ATP2C1: variants seen among roughly 807,000 people sequenced by gnomAD.
The protein encoded by ATP2C1 is ATPase secretory pathway Ca2+ transporting 1, also known as calcium-transporting ATPase type 2C member 1.
A neutral mutation model predicts 120.5 loss-of-function variants in ATP2C1; 31 were observed. The observed-to-expected ratio is 0.26, with a 90% confidence interval of 0.19 to 0.35. The LOEUF is 0.35. Among genes scored for constraint, ATP2C1 ranks in the 10% least tolerant of loss-of-function variants. The pLI is 1.00. For missense variants in ATP2C1, 731 were observed against 1,107.5 expected (o/e 0.66, Z 4.83); for synonymous variants, 351 against 358.7 (o/e 0.98, Z 0.24).
In ATP2C1 at chr3:130,993,921, C is replaced by A. The variant is rs1308079745; in HGVS notation, c.1891-11C>A. The stretch of plus-strand genomic sequence containing the variant: ...ATTCCTTCCTCTCCCCTGTCCTCTG[C>A]TCCACTCTAGTCGCTACAGAAGAAC... On this transcript the variant is annotated splice_polypyrimidine_tract_variant and intron_variant, in intron 21 of 27. Coordinates refer to ENST00000510168, the MANE Select transcript of ATP2C1 (RefSeq NM_001378687.1). 1 of 1,614,066 alleles carries A rather than the reference C, an allele frequency of 6.2e-7. No individual in the cohort carries two copies. The highest frequency in any genetic ancestry group is 1.7e-5 in the Admixed American group (1 of 60,026).
At chr3:130,953,147 T>C (rs1037226502) in intron 8 of ATP2C1, among the ~76,000 whole-genome samples, 4 of 152,070 alleles carry the variant, frequency 2.6e-5, no homozygotes, top group African/African-American at 4.8e-5. Flanking sequence ...GTATCTATAC[T>C]CATAAAATTG....
In ATP2C1 at chr3:130,953,154, ATTG is replaced by A. The variant is rs1220155489; in HGVS notation, c.532-664_532-662del. On this transcript the variant is annotated intron_variant, in intron 8 of 27. Coordinates refer to ENST00000510168, the MANE Select transcript of ATP2C1 (RefSeq NM_001378687.1). ...GTGTGTATGTATCTATACTCATAAA[ATTG>A]TTTTTTTTTTCTTTTTTCTGTATGC... 1.1e-4 allele frequency among the ~76,000 whole-genome samples: 17 copies of A among 151,596 alleles called. 1 individual carries two copies. The highest frequency in any genetic ancestry group is 3.3e-4 in the Admixed American group (5 of 15,236).
chr3:130,874,139 A>C lies in ATP2C1; in HGVS notation c.108+23211A>C, dbSNP rs1265881549. 2.0e-5 allele frequency among the ~76,000 whole-genome samples: 3 copies of C among 152,006 alleles called. No individual in the cohort carries two copies. In the South Asian group the frequency reaches 6.2e-4, roughly 32 times the overall value. On this transcript the variant is annotated intron_variant, in intron 1 of 26. Transcript: ENST00000504381. The stretch of plus-strand genomic sequence containing the variant: ...AAAAAAAAGAAAAAAAGAAAAAGAA[A>C]AGATAAGAAAAAAATCTAGTGCCCA...
rs185511816 is a variant in ATP2C1, at chr3:130,972,348, C to T, written c.1413+2952C>T. On this transcript the variant is annotated intron_variant, in intron 17 of 27. Coordinates refer to ENST00000510168, the MANE Select transcript of ATP2C1 (RefSeq NM_001378687.1). ...ATAAGGGGCACCTTTGAGCTAAGCT[C>T]TTTGTTCATTGGAAGCACTTACCTA... Among the ~76,000 whole-genome samples, 40 of 152,180 alleles carry T rather than the reference C, an allele frequency of 2.6e-4. 1 individual carries two copies. The East Asian group carries it at 7.0e-3, about 26-fold the overall frequency.
At chr3:130,913,566 T>C (rs1414154836) in intron 2 of ATP2C1, among the ~76,000 whole-genome samples, 1 of 152,240 alleles carries the variant, frequency 6.6e-6, no homozygotes, top group African/African-American at 2.4e-5. Flanking sequence ...TTTTAAATGA[T>C]TGTTTTCTCC....
intron 20 of ATP2C1, among the ~76,000 whole-genome samples, chr3:130,984,651 A>G (rs1452611183): frequency 3.3e-5 from 5 of 152,214 alleles, no homozygotes; most frequent in African/African-American, 1.2e-4. Flanking sequence ...TGTAATCTCT[A>G]ATGTTGAAAT....
At chr3:130,868,787 G>C (rs1398639964) in intron 1 of ATP2C1, 2 of 101,796 alleles carry the variant, frequency 2.0e-5, no homozygotes, top group African/African-American at 7.2e-5. Flanking sequence ...CAGCCGCCCC[G>C]TCCGGGAGAG....
At chr3:130,861,541 G>C (rs1454837464) in intron 1 of ATP2C1, among the ~76,000 whole-genome samples, 1 of 152,176 alleles carries the variant, frequency 6.6e-6, no homozygotes, top group South Asian at 2.1e-4. Context: ...ATTGGATGAG[G>C]AACGTTCATA....
intron 2 of ATP2C1, among the ~76,000 whole-genome samples, chr3:130,928,761 G>T (rs1165461807): frequency 6.6e-6 from 1 of 152,146 alleles, no homozygotes; most frequent in African/African-American, 2.4e-5. Flanking sequence ...GATGAGGTTT[G>T]GGGATCTTAG....
chr3:130,915,701 A>C (rs2058659027), intron 2 of ATP2C1, among the ~76,000 whole-genome samples: 2 of 152,326 alleles, frequency 1.3e-5, no homozygotes, highest in South Asian at 4.1e-4. Flanking sequence ...AAAAAAGCTC[A>C]TAGAAGGAAT....
chr3:130,918,867 C>A (rs1438555766), intron 2 of ATP2C1, among the ~76,000 whole-genome samples: 1 of 152,112 alleles, frequency 6.6e-6, no homozygotes, highest in African/African-American at 2.4e-5. Context: ...TGGCGGGTGC[C>A]TGTAGTCCCA....
At chr3:130,992,862 T>C (rs1188882250) in intron 20 of ATP2C1, 89 bp from the exon 21 acceptor site, 2 of 1,037,222 alleles carry the variant, frequency 1.9e-6, no homozygotes, top group African/African-American at 3.2e-5. Context: ...CTTAAATTGA[T>C]GAGTTTTTCA....
chr3:130,968,601 G>A (rs1432596622), intron 16 of ATP2C1, among the ~76,000 whole-genome samples: 4 of 152,220 alleles, frequency 2.6e-5, no homozygotes, highest in South Asian at 2.1e-4. Flanking sequence ...GAAATGAAAC[G>A]TATTTGCACG....
intron 12 of ATP2C1, among the ~76,000 whole-genome samples, chr3:130,962,192 T>A (rs1035594518): frequency 2.6e-5 from 4 of 152,008 alleles, no homozygotes. Flanking sequence ...ATAAAAGTGA[T>A]TAAAAGGAAA....
chr3:130,916,617 A>T (rs959509676), intron 2 of ATP2C1, among the ~76,000 whole-genome samples: 3 of 152,018 alleles, frequency 2.0e-5, no homozygotes, highest in Admixed American at 1.3e-4. Context: ...TTAGCGGGGA[A>T]ACAGCTGGTA....
Position 130,918,921 on chromosome 3 carries a change from G to A in ATP2C1, c.7-11495G>A, listed in dbSNP as rs187080525. 1,274 of 330,926 alleles carry A rather than the reference G, an allele frequency of 3.8e-3. 20 individuals are homozygous for A. The highest frequency in any genetic ancestry group is 0.026 in the African/African-American group (1,198 of 45,472). The allele number at this position is 330,926 out of a possible 1,614,324, so 20.5% of individuals were successfully genotyped here. ...GCAGGAGAATGGCGTGAACCCGGGA[G>A]GCGGAGCTTACCGTGAGCCTAGATC... On this transcript the variant is annotated intron_variant, in intron 2 of 27. Coordinates refer to ENST00000510168, the MANE Select transcript of ATP2C1 (RefSeq NM_001378687.1).
chr3:131,012,469 G>A (rs2063362738), intron 26 of ATP2C1, among the ~76,000 whole-genome samples: 1 of 151,894 alleles, frequency 6.6e-6, no homozygotes, highest in African/African-American at 2.4e-5. Flanking sequence ...TGTCGGCCAG[G>A]CTGGTCTTGA....
chr3:130,909,430 C>G (rs2058288550), intron 2 of ATP2C1, among the ~76,000 whole-genome samples: 1 of 152,136 alleles, frequency 6.6e-6, no homozygotes, highest in African/African-American at 2.4e-5. Flanking sequence ...ATTTAGAAAT[C>G]TTTATTGAAA....
At position 131,002,379 on chromosome 3, in the gene ATP2C1, G is replaced by T. The variant is rs2062932342; in HGVS notation, c.*1029G>T. On this transcript the variant is annotated 3_prime_UTR_variant, in exon 28 of 28. Coordinates refer to ENST00000510168, the MANE Select transcript of ATP2C1 (RefSeq NM_001378687.1). ...CCAAACAAATGGTTTATGAACCAGA[G>T]TATATGTGGAAGATTCTTTGCTGGT... 5 of 985,360 alleles carry T rather than the reference G, an allele frequency of 5.1e-6. No homozygotes were observed. The highest frequency in any genetic ancestry group is 6.0e-6 in the Non-Finnish European group (5 of 829,900). 61.0% of individuals were successfully genotyped at this position (985,360 alleles called of 1,614,324 possible).
Sources: allele counts gnomAD v4.1 joint callset (sites outside exome capture counted in the v4.1 genomes callset), GRCh38; gene constraint gnomAD v4.1.1; transcripts MANE v1.5; gene names NCBI Gene and HGNC (gene_info 2026-07-23, HGNC 2026-07-21).